Variants in NDUFA10 observed in about 807,000 individuals in gnomAD.
The protein encoded by NDUFA10 is NADH:ubiquinone oxidoreductase subunit A10.
A neutral mutation model predicts 47.8 loss-of-function variants in NDUFA10; 40 were observed. The ratio of observed to expected loss-of-function variants is 0.84; its 90% CI spans 0.65 to 1.09. NDUFA10 has a LOEUF of 1.09. Among genes scored for constraint, NDUFA10 ranks in the 50% least tolerant of loss-of-function variants. NDUFA10 has a pLI of 0.00. For missense variants in NDUFA10, 413 were observed against 451.1 expected (o/e 0.92, Z 0.76); for synonymous variants, 183 against 172.2 (o/e 1.06, Z -0.49).
intron 4 of NDUFA10, among the ~76,000 whole-genome samples, chr2:239,951,849 GGCCATGCCCTGGGCA>G (rs1441701663): frequency 6.6e-6 from 1 of 152,254 alleles, no homozygotes; most frequent in African/African-American, 2.4e-5. Flanking sequence ...CCTCCGGCCT[GGCCATGCCCTGGGCA>G]GCGGGAAGGA....
chr2:239,990,996 T>G (rs1002025791), intron 8 of NDUFA10, among the ~76,000 whole-genome samples: 1 of 151,932 alleles, frequency 6.6e-6, no homozygotes, highest in African/African-American at 2.4e-5. Flanking sequence ...CATTACTGAG[T>G]TATAAAAGCA....
intron 9 of NDUFA10, among the ~76,000 whole-genome samples, chr2:239,966,848 CTTTTTTTTTTTT>C (rs71045922): frequency 8.8e-6 from 1 of 113,824 alleles, no homozygotes; most frequent in Non-Finnish European, 1.8e-5. Flanking sequence ...GCAAGGATTT[CTTTTTTTTTTTT>C]TTTTTTTTTT....
chr2:239,961,044 T>C lies in NDUFA10; in HGVS notation c.*74A>G, dbSNP rs1694832235. 1 of 1,608,316 alleles carries C rather than the reference T, an allele frequency of 6.2e-7. No individual in the cohort carries two copies. Among genetic ancestry groups the C allele is most frequent in the Non-Finnish European group, 8.5e-7 (1 of 1,177,604 alleles). ...TTACCCTCCCCCGATCTTAAAGCTA[T>C]ATGGCGTCCAGGAGAGTGCGGCTGA... On this transcript the variant is annotated 3_prime_UTR_variant, in exon 10 of 10. Transcript: ENST00000252711.
intron 8 of NDUFA10, among the ~76,000 whole-genome samples, chr2:240,004,429 A>AC (rs2106469064): frequency 6.6e-6 from 1 of 151,230 alleles, no homozygotes; most frequent in Non-Finnish European, 1.5e-5. Context: ...TCTGCTTCAA[A>AC]CCCCCAAACG....
chr2:239,899,093 TGTG>T (rs1271982868), intron 4 of NDUFA10, among the ~76,000 whole-genome samples: 1 of 15,984 alleles, frequency 6.3e-5, no homozygotes, highest in South Asian at 3.8e-3. Flanking sequence ...TGTGGAGGGG[TGTG>T]GTGGAGGGGT....
At chr2:239,981,329 T>C (rs534566168) in intron 9 of NDUFA10, among the ~76,000 whole-genome samples, 1 of 152,048 alleles carries the variant, frequency 6.6e-6, no homozygotes, top group Non-Finnish European at 1.5e-5. Context: ...GAAGCCACCA[T>C]GGGTGAGAAA....
At chr2:239,993,616 A>G (rs1051568846) in intron 8 of NDUFA10, among the ~76,000 whole-genome samples, 12 of 152,172 alleles carry the variant, frequency 7.9e-5, no homozygotes, top group African/African-American at 2.9e-4. Context: ...AAGAGAAAAC[A>G]GGGTCACTGT....
chr2:239,904,619 C>T (rs1295549054), intron 4 of NDUFA10, among the ~76,000 whole-genome samples: 4 of 152,198 alleles, frequency 2.6e-5, no homozygotes, highest in Admixed American at 6.5e-5. Flanking sequence ...GTTGAGAAGG[C>T]GCCCTAGAGA....
intron 4 of NDUFA10, among the ~76,000 whole-genome samples, chr2:239,949,710 A>C (rs960210739): frequency 2.9e-4 from 44 of 151,734 alleles, no homozygotes; most frequent in Non-Finnish European, 4.4e-5. Flanking sequence ...TCTCCAACTC[A>C]GCCTCAAGCG....
At chr2:240,014,634 G>A (rs566646638) in intron 5 of NDUFA10, 105 bp downstream of exon 5, 112 of 1,536,982 alleles carry the variant, frequency 7.3e-5, no homozygotes, top group African/African-American at 3.0e-4. Context: ...CACCCTCCTC[G>A]TGAGGACTGG....
intron 4 of NDUFA10, among the ~76,000 whole-genome samples, chr2:239,905,729 A>G (rs1375997734): frequency 6.6e-6 from 1 of 151,580 alleles, no homozygotes; most frequent in Admixed American, 6.6e-5. Context: ...CCCAGGACAG[A>G]GGACAGAAGG....
Position 239,985,232 on chromosome 2 carries a change from A to G in NDUFA10, c.999+4842T>C, listed in dbSNP as rs186932242. Among the ~76,000 whole-genome samples the G allele has an allele frequency of 7.9e-4, 121 of 152,362 alleles. 2 individuals are homozygous for G. The South Asian group carries it at 0.014, about 18-fold the overall frequency. On this transcript the variant is annotated intron_variant, in intron 9 of 9. Coordinates refer to ENST00000252711, the MANE Select transcript of NDUFA10 (RefSeq NM_004544.4). The stretch of plus-strand genomic sequence containing the variant: ...GCCTACAAAAGACACAGATACTGCA[A>G]TTATCAGATAATTCTGTGTAACTTT...
Position 240,016,475 on chromosome 2 carries a change from C to T in NDUFA10, c.548-1615G>A, listed in dbSNP as rs1014736430. ...TCCTTTAGCCAACATGATCTGCTTT[C>T]CCCCAGCCCAGCACTCAAACGACTC... On this transcript the variant is annotated intron_variant, in intron 4 of 9. Coordinates refer to ENST00000252711, the MANE Select transcript of NDUFA10 (RefSeq NM_004544.4). The surrounding 1 kb of genome is among the most constrained non-coding windows in gnomAD (Gnocchi z 4.4). Among the ~76,000 whole-genome samples the T allele has an allele frequency of 6.6e-6, 1 of 152,182 alleles. No individual in the cohort carries two copies. The highest frequency in any genetic ancestry group is 1.5e-5 in the Non-Finnish European group (1 of 68,038).
At chr2:239,968,080 TGAACGA>T (rs1695154265) in intron 9 of NDUFA10, among the ~76,000 whole-genome samples, 1 of 151,808 alleles carries the variant, frequency 6.6e-6, no homozygotes, top group Non-Finnish European at 1.5e-5. Flanking sequence ...TTGAGAGAGA[TGAACGA>T]AGCCAGTCCT....
At chr2:239,897,102 A>G (rs972406109) in intron 4 of NDUFA10, among the ~76,000 whole-genome samples, 3 of 152,210 alleles carry the variant, frequency 2.0e-5, no homozygotes, top group Admixed American at 6.5e-5. Context: ...TGAAGACTGA[A>G]CTATGATCCA....
At chr2:239,944,184 T>C (rs765624379) in intron 4 of NDUFA10, among the ~76,000 whole-genome samples, 2 of 152,196 alleles carry the variant, frequency 1.3e-5, no homozygotes, top group African/African-American at 4.8e-5. Context: ...CACCCCCTCC[T>C]GGCATTGTTA....
chr2:239,989,955 T>C, intron 9 of NDUFA10, 119 bp downstream of exon 9: 1 of 783,800 alleles, frequency 1.3e-6, no homozygotes, highest in Non-Finnish European at 2.3e-6. Flanking sequence ...AGAGGCTCCT[T>C]CACTAAAACA....
At chr2:239,913,474 G>A (rs1693789456) in intron 4 of NDUFA10, among the ~76,000 whole-genome samples, 1 of 152,208 alleles carries the variant, frequency 6.6e-6, no homozygotes, top group Admixed American at 6.5e-5. Flanking sequence ...AAGGGGCTCA[G>A]CACACATGCT....
In NDUFA10 at chr2:239,962,461, C is replaced by T. The variant is rs992856038; in HGVS notation, c.1000-1275G>A. Among the ~76,000 whole-genome samples, 3 of 152,100 alleles carry T rather than the reference C, an allele frequency of 2.0e-5. 1 individual carries two copies. Among genetic ancestry groups the T allele is most frequent in the Non-Finnish European group, 4.4e-5 (3 of 68,020 alleles). On this transcript the variant is annotated intron_variant, in intron 9 of 9. Transcript: ENST00000252711. ...TCCTATGAAGCAGCAGACAGGTCGCCCCAAGACCAGCCATCTCACACACAG... is the reference window on the plus strand; with the variant it reads ...TCCTATGAAGCAGCAGACAGGTCGCTCCAAGACCAGCCATCTCACACACAG...
Sources: allele counts gnomAD v4.1 joint callset (sites outside exome capture counted in the v4.1 genomes callset), GRCh38; gene constraint gnomAD v4.1.1; non-coding constraint Gnocchi (gnomAD v3.1); transcripts MANE v1.5; gene names NCBI Gene and HGNC (gene_info 2026-07-23, HGNC 2026-07-21).